ROBO2: variants seen among roughly 807,000 people sequenced by gnomAD.
ROBO2 encodes the protein roundabout homolog 2.
Under a neutral mutation model 160.8 loss-of-function variants are expected in ROBO2, and 53 were observed. That is an observed-to-expected ratio of 0.33 (90% confidence interval 0.26 to 0.41). The LOEUF is 0.41. Among genes scored for constraint, ROBO2 ranks in the 10% least tolerant of loss-of-function variants. The pLI is 1.00. For missense variants in ROBO2, 1,577 were observed against 1,722.4 expected (o/e 0.92, Z 1.49); for synonymous variants, 664 against 611.7 (o/e 1.09, Z -1.26).
chr3:77,045,454 G>C (rs574091075), intron 1 of ROBO2, among the ~76,000 whole-genome samples: 1 of 152,270 alleles, frequency 6.6e-6, no homozygotes, highest in African/African-American at 2.4e-5. Context: ...GAACTTGGCT[G>C]TTGTATATAC....
chr3:77,228,435 A>ACACC (rs1281944856), intron 2 of ROBO2, among the ~76,000 whole-genome samples: 10 of 150,346 alleles, frequency 6.7e-5, no homozygotes, highest in Non-Finnish European at 1.3e-4. Flanking sequence ...ACACACACAC[A>ACACC]CCCTTTTTTT....
At chr3:76,343,546 C>T (rs2074354289) in intron 2 of ROBO2, among the ~76,000 whole-genome samples, 1 of 151,220 alleles carries the variant, frequency 6.6e-6, no homozygotes, top group African/African-American at 2.4e-5. Context: ...TTAGTGCAAA[C>T]GTAACTGCGG....
intron 2 of ROBO2, among the ~76,000 whole-genome samples, chr3:76,123,134 G>A (rs1296843579): frequency 1.3e-5 from 2 of 152,006 alleles, no homozygotes; most frequent in Non-Finnish European, 2.9e-5. Flanking sequence ...TCTTCCCTGA[G>A]CTCTTGCCTG....
intron 2 of ROBO2, among the ~76,000 whole-genome samples, chr3:76,503,586 T>G (rs932667061): frequency 1.3e-5 from 2 of 152,002 alleles, no homozygotes; most frequent in African/African-American, 2.4e-5. Context: ...ATATAGAAAA[T>G]GTGGTATATA....
intron 2 of ROBO2, among the ~76,000 whole-genome samples, chr3:76,530,166 T>C (rs2082149503): frequency 6.6e-6 from 1 of 152,204 alleles, no homozygotes; most frequent in Non-Finnish European, 1.5e-5. Flanking sequence ...GACTACCGCT[T>C]ACCCAGCGTG....
At chr3:77,183,120 A>AT (rs1220150507) in intron 2 of ROBO2, among the ~76,000 whole-genome samples, 2 of 152,060 alleles carry the variant, frequency 1.3e-5, no homozygotes, top group Non-Finnish European at 2.9e-5. Flanking sequence ...TCACTAAGCC[A>AT]TTAAGCTTTC....
intron 2 of ROBO2, among the ~76,000 whole-genome samples, chr3:76,757,386 A>G (rs776767476): frequency 2.6e-5 from 4 of 151,814 alleles, no homozygotes; most frequent in Non-Finnish European, 5.9e-5. Flanking sequence ...AGAAGAGTAT[A>G]TGTAACTTAA....
intron 2 of ROBO2, among the ~76,000 whole-genome samples, chr3:76,885,901 C>T (rs1043876499): frequency 1.3e-5 from 2 of 152,100 alleles, no homozygotes; most frequent in Admixed American, 6.5e-5. Flanking sequence ...ATCAGGGCTT[C>T]CTTATGTGCA....
intron 2 of ROBO2, among the ~76,000 whole-genome samples, chr3:76,992,616 A>G (rs1163235344): frequency 6.6e-6 from 1 of 151,732 alleles, no homozygotes; most frequent in Non-Finnish European, 1.5e-5. Flanking sequence ...TGTTGGCATA[A>G]CGTCAATTTT....
At chr3:75,932,938 A>G (rs1398015354) in intron 1 of ROBO2, among the ~76,000 whole-genome samples, 1 of 152,316 alleles carries the variant, frequency 6.6e-6, no homozygotes, top group Non-Finnish European at 1.5e-5. Flanking sequence ...TGCATGTGTT[A>G]TATCTATATA....
intron 2 of ROBO2, among the ~76,000 whole-genome samples, chr3:77,429,251 G>A (rs1009688557): frequency 1.3e-5 from 2 of 152,114 alleles, no homozygotes; most frequent in Non-Finnish European, 2.9e-5. Flanking sequence ...TCCATTTACT[G>A]ATCCTGGTAA....
At chr3:77,359,520 G>A (rs888184872) in intron 2 of ROBO2, among the ~76,000 whole-genome samples, 1 of 152,166 alleles carries the variant, frequency 6.6e-6, no homozygotes, top group Non-Finnish European at 1.5e-5. Flanking sequence ...TCATTGTGTA[G>A]TGAGCCTTCA....
intron 2 of ROBO2, among the ~76,000 whole-genome samples, chr3:77,436,312 T>C (rs575800251): frequency 6.7e-6 from 1 of 148,266 alleles, no homozygotes; most frequent in South Asian, 2.1e-4. Context: ...TAGTGAAATA[T>C]ATGCATATAC....
chr3:76,991,951 G>C (rs2060690103), intron 2 of ROBO2, among the ~76,000 whole-genome samples: 1 of 151,908 alleles, frequency 6.6e-6, no homozygotes, highest in African/African-American at 2.4e-5. Flanking sequence ...TATACATATG[G>C]GACACTGTAG....
intron 2 of ROBO2, among the ~76,000 whole-genome samples, chr3:76,213,902 TA>T (rs11330966): frequency 0.041 from 6,209 of 152,198 alleles, 361 homozygotes; most frequent in East Asian, 0.22. Flanking sequence ...ACCAATAGGA[TA>T]AATACAGTAT....
intron 1 of ROBO2, among the ~76,000 whole-genome samples, chr3:75,910,089 G>T (rs1254016784): frequency 6.6e-6 from 1 of 152,198 alleles, no homozygotes; most frequent in Non-Finnish European, 1.5e-5. Context: ...AGTTTCCTCC[G>T]TAAATTTGCA....
intron 2 of ROBO2, among the ~76,000 whole-genome samples, chr3:76,239,184 G>A (rs1324148097): frequency 6.6e-6 from 1 of 152,074 alleles, no homozygotes; most frequent in African/African-American, 2.4e-5. Flanking sequence ...TAGAGATAGA[G>A]AGAAATAAAT....
At chr3:76,980,865 A>T (rs996909384) in intron 2 of ROBO2, among the ~76,000 whole-genome samples, 4 of 152,176 alleles carry the variant, frequency 2.6e-5, no homozygotes, top group Non-Finnish European at 5.9e-5. Context: ...GCCTTAGGCA[A>T]CTAATCATCT....
chr3:77,218,169 G>C (rs543730436), intron 2 of ROBO2, among the ~76,000 whole-genome samples: 2 of 152,154 alleles, frequency 1.3e-5, no homozygotes, highest in South Asian at 4.1e-4. Flanking sequence ...CAATCCCCTT[G>C]CTCTGGATGC....
Sources: allele counts gnomAD v4.1 joint callset (sites outside exome capture counted in the v4.1 genomes callset), GRCh38; gene constraint gnomAD v4.1.1; transcripts MANE v1.5; gene names NCBI Gene and HGNC (gene_info 2026-07-23, HGNC 2026-07-21).